HSD17B1: variants seen among roughly 807,000 people sequenced by gnomAD.
HSD17B1 encodes hydroxysteroid 17-beta dehydrogenase 1.
Under a neutral mutation model 22.7 loss-of-function variants are expected in HSD17B1, and 16 were observed. The ratio of observed to expected loss-of-function variants is 0.71; its 90% CI spans 0.48 to 1.07. The LOEUF (loss-of-function observed/expected upper bound fraction) is 1.07. Among genes scored for constraint, HSD17B1 ranks in the 50% least tolerant of loss-of-function variants. The pLI, the probability that HSD17B1 is intolerant of heterozygous loss-of-function variation, is 0.00. For synonymous variants in HSD17B1, 243 were observed against 211.0 expected (o/e 1.15, Z -1.31); for missense variants, 533 against 459.9 (o/e 1.16, Z -1.45).
Position 42,554,456 on chromosome 17 carries a change from G to A in HSD17B1, c.591G>A (p.Val197=), listed in dbSNP as rs1419344701. The change falls in exon 5 of 6, where the codon GTG becomes GTA. Residue 197 remains valine (V), a synonymous_variant. Coordinates refer to ENST00000585807, the MANE Select transcript of HSD17B1 (RefSeq NM_000413.4). ...GPVHTAFMEK[V]LGSPEEVLDR... ...TGCACACCGCCTTCATGGAGAAGGT[G>A]TTGGGCAGCCCAGAGGAGGTGCTGG... is the stretch of plus-strand genomic sequence containing the variant. 6.2e-7 allele frequency: 1 copy of A among 1,613,354 alleles called. No individual in the cohort carries two copies. The highest frequency in any genetic ancestry group is 1.1e-5 in the South Asian group (1 of 90,920).
At chr17:42,553,700 G>T in intron 3 of HSD17B1, 82 bp downstream of exon 3, 4 of 1,596,064 alleles carry the variant, frequency 2.5e-6, no homozygotes, top group Non-Finnish European at 3.4e-6. Context: ...CGCGGGGGGG[G>T]TGGAGTGGGG....
Position 42,555,031 on chromosome 17 carries a change from C to T in HSD17B1, c.*93C>T. ...GGGCGGCGGTAGCAGCTGTGGGTGGCTAATTAAGATAGATCGCGTTAGCCA... is the reference window on the plus strand; with the variant it reads ...GGGCGGCGGTAGCAGCTGTGGGTGGTTAATTAAGATAGATCGCGTTAGCCA... On this transcript the variant is annotated 3_prime_UTR_variant, in exon 6 of 6. Transcript: ENST00000585807. The T allele has an allele frequency of 7.1e-7, 1 of 1,410,204 alleles. No homozygotes were observed. Among genetic ancestry groups the T allele is most frequent in the Non-Finnish European group, 9.2e-7 (1 of 1,088,838 alleles). The allele number at this position is 1,410,204 out of a possible 1,614,324, so 87.4% of individuals were successfully genotyped here.
chr17:42,554,826 C>T lies in HSD17B1; in HGVS notation c.875C>T (p.Ala292Val). The part of the protein sequence containing the change: ...REVFGDVPAK[A>V]EAGAEAGGGA... ...GTGTTCGGCGACGTTCCGGCAAAGG[C>T]CGAGGCTGGGGCCGAGGCTGGGGGC... is the stretch of plus-strand genomic sequence containing the variant. The change falls in exon 6 of 6, where the codon GCC becomes GTC. Residue 292 changes from alanine to valine, a missense_variant. Physicochemically the swap from Ala to Val is moderately conservative, Grantham distance 64. Transcript: ENST00000585807. 1.3e-6 allele frequency: 2 copies of T among 1,598,364 alleles called. No individual in the cohort carries two copies. Among genetic ancestry groups the T allele is most frequent in the Non-Finnish European group, 1.7e-6 (2 of 1,178,644 alleles).
At position 42,553,229 on chromosome 17, in the gene HSD17B1, G is replaced by A; in HGVS notation, c.203G>A (p.Arg68Lys). Reference protein sequence around the residue: ...GSLETLQLDVRDSKSVAAARE... With the variant: ...GSLETLQLDVKDSKSVAAARE... ...CTGGAGACGTTGCAGCTGGACGTAA[G>A]GGACTCAAAATCCGTGGCCGCTGCC... The change falls in exon 2 of 6, where the codon AGG (arginine) becomes AAG (lysine). Residue 68 changes from arginine (R) to lysine (K), a missense_variant. Transcript: ENST00000585807. 1 of 1,613,598 alleles carries A rather than the reference G, an allele frequency of 6.2e-7. No individual in the cohort carries two copies. The highest frequency in any genetic ancestry group is 1.1e-5 in the South Asian group (1 of 91,086).
In HSD17B1 at chr17:42,553,590, G is replaced by A. The variant is rs2092951573; in HGVS notation, c.417G>A (p.Leu139=). ...AGAGGCGCGGTTCGGGACGCGTGTTGGTGACCGGGAGCGTGGGAGGATTGA... is the reference window on the plus strand; with the variant it reads ...AGAGGCGCGGTTCGGGACGCGTGTTAGTGACCGGGAGCGTGGGAGGATTGA... The part of the protein sequence containing the change: ...DMKRRGSGRV[L]VTGSVGGLMG... Residue 139 remains leucine, a synonymous_variant, in exon 3 of 6, where the codon TTG becomes TTA. Coordinates refer to ENST00000585807, the MANE Select transcript of HSD17B1 (RefSeq NM_000413.4). 1.2e-6 allele frequency: 2 copies of A among 1,610,946 alleles called. No homozygotes were observed. The highest frequency in any genetic ancestry group is 4.5e-5 in the East Asian group (2 of 44,882).
At chr17:42,554,057 T>C in intron 4 of HSD17B1, 170 bp downstream of exon 4, 1 of 681,606 alleles carries the variant, frequency 1.5e-6, no homozygotes, top group African/African-American at 1.8e-5. Context: ...TTGTGCCACC[T>C]GCTGACCTAG....
rs769027018 is a variant in HSD17B1, at chr17:42,553,434, C to A, written c.266-5C>A. Reference sequence around the variant, plus strand: ...GCGGGCTGGTCGGGCCTCTTGTCTCCGCAGTGTGTAACGCAGGCCTGGGCC... The same window carrying A: ...GCGGGCTGGTCGGGCCTCTTGTCTCAGCAGTGTGTAACGCAGGCCTGGGCC... On this transcript the variant is annotated splice_polypyrimidine_tract_variant and splice_region_variant and intron_variant, in intron 2 of 5. Coordinates refer to ENST00000585807, the MANE Select transcript of HSD17B1 (RefSeq NM_000413.4). The A allele has an allele frequency of 1.2e-6, 2 of 1,611,928 alleles. No homozygotes were observed. The highest frequency in any genetic ancestry group is 2.2e-5 in the East Asian group (1 of 44,886).
chr17:42,554,690 G>C lies in HSD17B1; in HGVS notation c.739G>C (p.Ala247Pro). The C allele has an allele frequency of 6.2e-7, 1 of 1,603,574 alleles. No homozygotes were observed. The highest frequency in any genetic ancestry group is 8.5e-7 in the Non-Finnish European group (1 of 1,179,394). ...GCAGGTCTTCCTCACCGCTTTGCGC[G>C]CCCCGAAGCCGACCCTGCGCTACTT... ...VAEVFLTALR[A>P]PKPTLRYFTT... The change falls in exon 6 of 6, where the codon GCC becomes CCC. Residue 247 changes from alanine (A) to proline (P), a missense_variant. Ala to Pro is a conservative substitution (Grantham distance 27). Transcript: ENST00000585807.
At chr17:42,554,194 C>A in intron 4 of HSD17B1, 1 of 732,162 alleles carries the variant, frequency 1.4e-6, no homozygotes. Context: ...CCCTTGTAGC[C>A]TCAGATGGAT....
intron 1 of HSD17B1, 44 bp downstream of exon 1, chr17:42,553,074 T>C: frequency 6.2e-7 from 1 of 1,614,036 alleles, no homozygotes; most frequent in South Asian, 1.1e-5. Context: ...GGAGGAGCCC[T>C]TGGAGGCCAG....
At chr17:42,553,402 T>C (rs1482577881) in intron 2 of HSD17B1, 37 bp from the exon 3 acceptor site, 8 of 1,608,438 alleles carry the variant, frequency 5.0e-6, no homozygotes, top group South Asian at 2.2e-5. Context: ...CTGAGGGTGA[T>C]GCTGAGGCGG....
Position 42,554,986 on chromosome 17 carries a change from C to G in HSD17B1, c.*48C>G. Reference sequence around the variant, plus strand: ...CCGCGCCCTTCTTTGTCCCCTGGGTCTGTGTGGTCCCTGGGGATGGGGCGG... The same window carrying G: ...CCGCGCCCTTCTTTGTCCCCTGGGTGTGTGTGGTCCCTGGGGATGGGGCGG... On this transcript the variant is annotated 3_prime_UTR_variant, in exon 6 of 6. Transcript: ENST00000585807. 1 of 1,422,816 alleles carries G rather than the reference C, an allele frequency of 7.0e-7. No individual in the cohort carries two copies. Among genetic ancestry groups the G allele is most frequent in the Non-Finnish European group, 9.1e-7 (1 of 1,095,782 alleles). 88.1% of individuals were successfully genotyped at this position (1,422,816 alleles called of 1,614,324 possible). A position where few individuals can be genotyped will look rare whatever the true frequency, so the allele number is the denominator to read the frequency against.
chr17:42,554,829 A>C lies in HSD17B1; in HGVS notation c.878A>C (p.Glu293Ala), dbSNP rs2092957838. The C allele has an allele frequency of 1.3e-6, 2 of 1,596,814 alleles. No homozygotes were observed. Among genetic ancestry groups the C allele is most frequent in the Non-Finnish European group, 1.7e-6 (2 of 1,178,068 alleles). ...TTCGGCGACGTTCCGGCAAAGGCCG[A>C]GGCTGGGGCCGAGGCTGGGGGCGGG... ...EVFGDVPAKAEAGAEAGGGAG... is the reference protein window; with the variant it reads ...EVFGDVPAKAAAGAEAGGGAG... The change falls in exon 6 of 6, where the codon GAG (glutamate) becomes GCG (alanine). Residue 293 changes from glutamate to alanine, a missense_variant. Coordinates refer to ENST00000585807, the MANE Select transcript of HSD17B1 (RefSeq NM_000413.4).
rs1458562100 is a variant in HSD17B1 at position 42,554,554 on chromosome 17, C to T, written c.689C>T (p.Ala230Val). The T allele has an allele frequency of 5.0e-5, 81 of 1,613,802 alleles. No individual in the cohort carries two copies. In the Admixed American group the frequency reaches 1.0e-3, roughly 20 times the overall value. Residue 230 changes from alanine (A) to valine (V), a missense_variant, in exon 5 of 6, where the codon GCG becomes GTG. Transcript: ENST00000585807. The stretch of plus-strand genomic sequence containing the variant: ...CACAGCAAGCAAGTCTTTCGCGAGG[C>T]GGCGCAGAACCCTGAGGAGGTGGCG... ...LAHSKQVFRE[A>V]AQNPEEVAEV...
rs764654211 is a variant in HSD17B1 at position 42,554,795 on chromosome 17, CG to C, written c.847del (p.Glu283LysfsTer73). 10 of 1,602,384 alleles carry C rather than the reference CG, an allele frequency of 6.2e-6. No homozygotes were observed. The highest frequency in any genetic ancestry group is 8.5e-6 in the Non-Finnish European group (10 of 1,179,650). ...CTCCAACTACGTCACCGCCATGCAC[CG>C]GGAAGTGTTCGGCGACGTTCCGGCA... ...SGSNYVTAMH[R>X]EVFGDVPAKA... On this transcript the variant is annotated frameshift_variant, in exon 6 of 6. Transcript: ENST00000585807. LOFTEE classifies it low-confidence loss of function (END_TRUNC).
rs759251242 is a variant in HSD17B1 at position 42,553,451 on chromosome 17, G to C, written c.278G>C (p.Gly93Ala). Residue 93 changes from glycine (G) to alanine (A), a missense_variant, in exon 3 of 6, where the codon GGC becomes GCC. Coordinates refer to ENST00000585807, the MANE Select transcript of HSD17B1 (RefSeq NM_000413.4). Reference protein sequence around the residue: ...GRVDVLVCNAGLGLLGPLEAL... With the variant: ...GRVDVLVCNAALGLLGPLEAL... ...CTTGTCTCCGCAGTGTGTAACGCAG[G>C]CCTGGGCCTGCTGGGGCCGCTGGAG... is the stretch of plus-strand genomic sequence containing the variant. 19 of 1,613,002 alleles carry C rather than the reference G, an allele frequency of 1.2e-5. No individual in the cohort carries two copies. The East Asian group carries it at 1.3e-4, about 11-fold the overall frequency.
chr17:42,552,972 G>C lies in HSD17B1; in HGVS notation c.39G>C (p.Ser13=). 4.3e-6 allele frequency: 7 copies of C among 1,614,112 alleles called. No homozygotes were observed. The highest frequency in any genetic ancestry group is 5.9e-6 in the Non-Finnish European group (7 of 1,180,020). The change falls in exon 1 of 6, where the codon TCG becomes TCC. Residue 13 remains serine, a synonymous_variant. Coordinates refer to ENST00000585807, the MANE Select transcript of HSD17B1 (RefSeq NM_000413.4). ...RTVVLITGCS[S]GIGLHLAVRL... ...TGGTGCTCATCACCGGCTGTTCCTCGGGCATCGGCCTGCACTTGGCCGTAC... is the reference window on the plus strand; with the variant it reads ...TGGTGCTCATCACCGGCTGTTCCTCCGGCATCGGCCTGCACTTGGCCGTAC...
chr17:42,554,021 C>T (rs1434122020), intron 4 of HSD17B1, 134 bp downstream of exon 4: 13 of 821,066 alleles, frequency 1.6e-5, no homozygotes, highest in East Asian at 2.7e-5. Flanking sequence ...GTGTGCCAGG[C>T]ACTTGGGCTG....
chr17:42,553,442 G>A lies in HSD17B1; in HGVS notation c.269G>A (p.Cys90Tyr). ...GTCGGGCCTCTTGTCTCCGCAGTGT[G>A]TAACGCAGGCCTGGGCCTGCTGGGG... Reference protein sequence around the residue: ...VTEGRVDVLVCNAGLGLLGPL... With the variant: ...VTEGRVDVLVYNAGLGLLGPL... Residue 90 changes from cysteine to tyrosine, a missense_variant, in exon 3 of 6, where the codon TGT becomes TAT. Transcript: ENST00000585807. 1 of 1,612,464 alleles carries A rather than the reference G, an allele frequency of 6.2e-7. No homozygotes were observed. The highest frequency in any genetic ancestry group is 1.1e-5 in the South Asian group (1 of 91,072).
Sources: gnomAD v4.1 joint callset for allele counts on GRCh38, gnomAD v4.1.1 for gene constraint, MANE v1.5 for transcripts, NCBI Gene and HGNC (gene_info 2026-07-23, HGNC 2026-07-21) for gene names.